The following PTPRN2 variants were observed in gnomAD, a reference collection of about 807,000 sequenced individuals.
The protein encoded by PTPRN2 is protein tyrosine phosphatase receptor type N2, also known as receptor-type tyrosine-protein phosphatase N2.
A neutral mutation model predicts 118.8 loss-of-function variants in PTPRN2; 74 were observed. The observed-to-expected ratio is 0.62, with a 90% CI of 0.52 to 0.76. PTPRN2 has a LOEUF of 0.76. Among genes scored for constraint, PTPRN2 ranks in the 30% least tolerant of loss-of-function variants. The pLI is 0.00. For synonymous variants in PTPRN2, 641 were observed against 608.0 expected (o/e 1.05, Z -0.80); for missense variants, 1,481 against 1,394.4 (o/e 1.06, Z -0.99).
At chr7:157,933,549 G>GGTGAGTCA (rs1366009532) in intron 11 of PTPRN2, among the ~76,000 whole-genome samples, 1 of 150,072 alleles carries the variant, frequency 6.7e-6, no homozygotes, top group African/African-American at 2.5e-5. Flanking sequence ...TTAGAGGAAG[G>GGTGAGTCA]GTGAGTCACT....
intron 11 of PTPRN2, among the ~76,000 whole-genome samples, chr7:157,938,671 A>G (rs1799868247): frequency 6.6e-6 from 1 of 152,264 alleles, no homozygotes; most frequent in South Asian, 2.1e-4. Flanking sequence ...TTTAAGTTGC[A>G]TTAAACTGAT....
chr7:157,614,916 G>A (rs1418098618), intron 15 of PTPRN2, among the ~76,000 whole-genome samples: 2 of 152,236 alleles, frequency 1.3e-5, no homozygotes, highest in African/African-American at 4.8e-5. Flanking sequence ...CTCATCTGCT[G>A]TCTCCAAAGC....
At chr7:157,658,702 G>A (rs984385038) in intron 13 of PTPRN2, among the ~76,000 whole-genome samples, 8 of 152,190 alleles carry the variant, frequency 5.3e-5, no homozygotes, top group Admixed American at 5.2e-4. Context: ...ACTGTGTTAG[G>A]ATAGCCCGTC....
At chr7:157,843,570 C>T (rs531348664) in intron 12 of PTPRN2, among the ~76,000 whole-genome samples, 20 of 152,246 alleles carry the variant, frequency 1.3e-4, no homozygotes, top group African/African-American at 3.6e-4. Flanking sequence ...CACTGACTGT[C>T]GGGATTCCCT....
chr7:158,215,387 A>G (rs901485850), intron 3 of PTPRN2, among the ~76,000 whole-genome samples: 1 of 152,172 alleles, frequency 6.6e-6, no homozygotes, highest in Non-Finnish European at 1.5e-5. Context: ...CCAAAGATAT[A>G]ATATTCATGC....
At chr7:157,562,324 G>A (rs1209235218) in intron 21 of PTPRN2, among the ~76,000 whole-genome samples, 2 of 152,180 alleles carry the variant, frequency 1.3e-5, no homozygotes, top group East Asian at 3.9e-4. Context: ...CTGGGCCCAG[G>A]GAGATGAGAA....
intron 2 of PTPRN2, among the ~76,000 whole-genome samples, chr7:158,340,403 C>A (rs878885125): frequency 1.3e-5 from 1 of 76,550 alleles, no homozygotes; most frequent in African/African-American, 4.5e-5. Flanking sequence ...AGAGCTGACA[C>A]CCGCAGACGT....
At chr7:158,082,832 C>A (rs904581150) in intron 10 of PTPRN2, among the ~76,000 whole-genome samples, 1 of 152,326 alleles carries the variant, frequency 6.6e-6, no homozygotes, top group South Asian at 2.1e-4. Flanking sequence ...CTACTGCATG[C>A]AAAATGTCCT....
At chr7:158,336,895 C>T (rs1371874253) in intron 2 of PTPRN2, among the ~76,000 whole-genome samples, 1 of 104,556 alleles carries the variant, frequency 9.6e-6, no homozygotes, top group Non-Finnish European at 2.2e-5. Context: ...CACACCCACA[C>T]TCTCACCATA....
chr7:158,150,276 C>G (rs1820838254), intron 6 of PTPRN2, among the ~76,000 whole-genome samples: 1 of 152,222 alleles, frequency 6.6e-6, no homozygotes, highest in East Asian at 1.9e-4. Context: ...CAAGTTGAAT[C>G]CAGGCTGTTT....
rs1361103213 is a variant in PTPRN2, at chr7:158,069,191, T to C, written c.1723+12107A>G. ...AGCTCAAGATCCTCTCCCATTCTTT[T>C]TAAACAAAATTTTTAGAGATAGGGT... On this transcript the variant is annotated intron_variant, in intron 11 of 22. Transcript: ENST00000389418. Among the ~76,000 whole-genome samples the C allele has an allele frequency of 7.2e-5, 11 of 152,230 alleles. No homozygotes were observed. The South Asian group carries it at 2.3e-3, about 32-fold the overall frequency.
At chr7:158,334,094 A>T (rs1392101705) in intron 2 of PTPRN2, among the ~76,000 whole-genome samples, 3 of 81,940 alleles carry the variant, frequency 3.7e-5, no homozygotes, top group African/African-American at 8.9e-5. Flanking sequence ...TCACCATAAG[A>T]GGTGACACCT....
At chr7:157,895,045 G>GA (rs889689910) in intron 12 of PTPRN2, among the ~76,000 whole-genome samples, 1 of 97,254 alleles carries the variant, frequency 1.0e-5, no homozygotes, top group African/African-American at 3.2e-5. Flanking sequence ...CACAAAAGAG[G>GA]ACCCCTCCCC....
chr7:158,071,433 G>C (rs1011417943), intron 11 of PTPRN2, among the ~76,000 whole-genome samples: 41 of 28,790 alleles, frequency 1.4e-3, no homozygotes, highest in African/African-American at 2.8e-3. Flanking sequence ...GGAGGTGCTC[G>C]TGGTGGTGGA....
At chr7:157,810,364 G>A (rs372089957) in intron 12 of PTPRN2, among the ~76,000 whole-genome samples, 21 of 152,330 alleles carry the variant, frequency 1.4e-4, no homozygotes, top group African/African-American at 5.1e-4. Context: ...ATGCCAGGCT[G>A]GGCTAGAGGT....
intron 12 of PTPRN2, among the ~76,000 whole-genome samples, chr7:157,830,304 G>C (rs1807473788): frequency 6.6e-6 from 1 of 152,212 alleles, no homozygotes; most frequent in Non-Finnish European, 1.5e-5. Flanking sequence ...ATGGTAAAAG[G>C]CTGCTGGTAA....
intron 1 of PTPRN2, among the ~76,000 whole-genome samples, chr7:158,585,456 A>G (rs940305817): frequency 1.5e-4 from 23 of 152,332 alleles, no homozygotes; most frequent in African/African-American, 5.1e-4. Flanking sequence ...TTTTCCCACA[A>G]AATAAGTGTG....
intron 3 of PTPRN2, among the ~76,000 whole-genome samples, chr7:158,311,620 T>G (rs973737752): frequency 6.6e-6 from 1 of 152,326 alleles, no homozygotes; most frequent in Middle Eastern, 3.4e-3. Context: ...CCATTTACCC[T>G]CCTCTTCGTG....
In PTPRN2 at chr7:158,138,458, C is replaced by T; in HGVS notation, c.968G>A (p.Gly323Asp). The T allele has an allele frequency of 1.2e-6, 2 of 1,613,136 alleles. No homozygotes were observed. Among genetic ancestry groups the T allele is most frequent in the African/African-American group, 1.3e-5 (1 of 75,064 alleles). ...DLQRQPAEVR[G>D]LSGLELDGMA... Reference sequence around the variant, plus strand: ...GCCGTCCAGCTCCAGGCCACTCAGGCCCCTCACCTCAGCCGGCTGCCTCTG... The same window carrying T: ...GCCGTCCAGCTCCAGGCCACTCAGGTCCCTCACCTCAGCCGGCTGCCTCTG... The change falls in exon 7 of 23, where the codon GGC becomes GAC. Residue 323 changes from glycine to aspartate, a missense_variant. Transcript: ENST00000389418.
Sources: allele counts gnomAD v4.1 joint callset (sites outside exome capture counted in the v4.1 genomes callset), GRCh38; gene constraint gnomAD v4.1.1; transcripts MANE v1.5; gene names NCBI Gene and HGNC (gene_info 2026-07-23, HGNC 2026-07-21).